Variants in MUC4 observed in about 807,000 individuals in gnomAD.
MUC4 encodes mucin 4, cell surface associated, also known as mucin-4.
In MUC4, 202 loss-of-function variants were observed where a neutral mutation model predicts 257.9. The observed-to-expected ratio is 0.78, with a 90% CI of 0.70 to 0.88. The LOEUF (loss-of-function observed/expected upper bound fraction) is 0.88, where lower values mean the gene tolerates loss of function less well. Among genes scored for constraint, MUC4 ranks in the 40% least tolerant of loss-of-function variants. The pLI, the probability that MUC4 is intolerant of heterozygous loss-of-function variation, is 0.00. For missense variants in MUC4, 5,976 were observed against 6,513.7 expected (o/e 0.92, Z 2.84); for synonymous variants, 2,351 against 2,757.1 (o/e 0.85, Z 4.62).
Position 195,780,122 on chromosome 3 carries a change from C to T in MUC4, c.11458G>A (p.Gly3820Ser), listed in dbSNP as rs1726715053. The T allele has an allele frequency of 6.8e-7, 1 of 1,470,126 alleles. No individual in the cohort carries two copies. The highest frequency in any genetic ancestry group is 1.5e-5 in the African/African-American group (1 of 66,564). The allele number at this position is 1,470,126 out of a possible 1,614,324, so 91.1% of individuals were successfully genotyped here. A position where few individuals can be genotyped will look rare whatever the true frequency, so the allele number is the denominator to read the frequency against. The change falls in exon 2 of 25, where the codon GGT (glycine) becomes AGT (serine). Residue 3820 changes from glycine (G) to serine (S), a missense_variant. By Grantham distance (56) the Gly-to-Ser change is moderately conservative. This residue lies in a region of MUC4 where 330 missense variants were observed against 262.0 expected (regional missense o/e 1.26). Transcript: ENST00000463781. ...GTGACAGGAAGAGGGGTGGTGTCAC[C>T]TGTGGATACTGAGGAAAGGCTGGTG... is the stretch of plus-strand genomic sequence containing the variant. ...PVTSLSSVSTGDTTPLPVTDA... is the reference protein window; with the variant it reads ...PVTSLSSVSTSDTTPLPVTDA...
At chr3:195,775,261 C>T (rs534757461) in intron 3 of MUC4, among the ~76,000 whole-genome samples, 3 of 152,170 alleles carry the variant, frequency 2.0e-5, no homozygotes, top group East Asian at 1.9e-4. Context: ...CTACAGGATT[C>T]CCCGCATGCC....
chr3:195,761,119 T>G lies in MUC4; in HGVS notation c.14615-2A>C. The G allele has an allele frequency of 6.2e-7, 1 of 1,613,722 alleles. No homozygotes were observed. The highest frequency in any genetic ancestry group is 8.5e-7 in the Non-Finnish European group (1 of 1,179,618). On this transcript the variant is annotated splice_acceptor_variant, in intron 15 of 24. Transcript: ENST00000463781. LOFTEE classifies it high-confidence loss of function. ...GGAGGCCTGTCCCGTTGATCTGCCCTGTAACACACAGAGCGCGGTGGTACC... is the reference window on the plus strand; with the variant it reads ...GGAGGCCTGTCCCGTTGATCTGCCCGGTAACACACAGAGCGCGGTGGTACC...
Position 195,789,254 on chromosome 3 carries a change from C to T in MUC4, c.2326G>A (p.Ala776Thr). ...TGTCCAGAGGCCTCTGTGCTCTCAG[C>T]CTGGTGGGTATGGGTCATGGCTGCT... ...TAAAMTHTHQAESTEASGQTQ... is the reference protein window; with the variant it reads ...TAAAMTHTHQTESTEASGQTQ... The change falls in exon 2 of 25, where the codon GCT (alanine) becomes ACT (threonine). Residue 776 changes from alanine to threonine, a missense_variant. By Grantham distance (58) the Ala-to-Thr change is moderately conservative. Around this residue, in one of 44 missense-constraint regions of MUC4, gnomAD observed 1,583 missense variants for 1,257.4 expected, o/e 1.26. Transcript: ENST00000463781. The T allele has an allele frequency of 1.9e-6, 3 of 1,613,840 alleles. No individual in the cohort carries two copies. Among genetic ancestry groups the T allele is most frequent in the Non-Finnish European group, 1.7e-6 (2 of 1,179,846 alleles).
At chr3:195,801,915 C>A (rs1272668315) in intron 1 of MUC4, among the ~76,000 whole-genome samples, 2 of 151,994 alleles carry the variant, frequency 1.3e-5, no homozygotes, top group East Asian at 1.9e-4. Context: ...GCTCCCGGGC[C>A]CTCCACTCCA....
intron 1 of MUC4, 46 bp downstream of exon 1, chr3:195,811,690 C>A: frequency 6.3e-7 from 1 of 1,586,538 alleles, no homozygotes; most frequent in Non-Finnish European, 8.6e-7. Context: ...CCACCTCCCC[C>A]AAGTGCTCCC....
At position 195,767,498 on chromosome 3, in the gene MUC4, T is replaced by TCGC. The variant is rs1560260870; in HGVS notation, c.13530-748_13530-747insGCG. 3.3e-4 allele frequency among the ~76,000 whole-genome samples: 21 copies of TCGC among 63,544 alleles called. No homozygotes were observed. The East Asian group carries it at 0.012, about 38-fold the overall frequency. The allele number at this position is 63,544 out of a possible 152,430, so 41.7% of individuals were successfully genotyped here. The stretch of plus-strand genomic sequence containing the variant: ...ATCACCATCACCACCACCATCACCA[T>TCGC]CACCACCACCATCACCATCACCACC... On this transcript the variant is annotated intron_variant, in intron 7 of 24. Transcript: ENST00000463781.
rs867298578 is a variant in MUC4 at position 195,749,313 on chromosome 3, G to T, written c.15872-249C>A. Among the ~76,000 whole-genome samples the T allele has an allele frequency of 5.5e-3, 315 of 57,690 alleles. 1 individual carries two copies. The highest frequency in any genetic ancestry group is 0.02 in the African/African-American group (293 of 14,766). 37.8% of individuals were successfully genotyped at this position (57,690 alleles called of 152,430 possible). ...TGCTTCCTATGGAAAAAGTTTCCTA[G>T]GGAAAAAGGTTCCTAGGGAAAAAGG... is the stretch of plus-strand genomic sequence containing the variant. On this transcript the variant is annotated intron_variant, in intron 23 of 24. Coordinates refer to ENST00000463781, the MANE Select transcript of MUC4 (RefSeq NM_018406.7).
rs1296159482 is a variant in MUC4 at position 195,810,356 on chromosome 3, CT to C, written c.82+1379del. On this transcript the variant is annotated intron_variant, in intron 1 of 24. Transcript: ENST00000463781. The surrounding 1 kb of genome is among the most constrained non-coding windows in gnomAD (Gnocchi z 4.2). Reference sequence around the variant, plus strand: ...CTGAGAGGCAGGGCAGGAGCTGAGACTCTAACCCCAGCTTGAACTCTGGACC... The same window carrying C: ...CTGAGAGGCAGGGCAGGAGCTGAGACCTAACCCCAGCTTGAACTCTGGACC... 1.3e-5 allele frequency: 2 copies of C among 152,508 alleles called. No individual in the cohort carries two copies. Among genetic ancestry groups the C allele is most frequent in the South Asian group, 2.1e-4 (1 of 4,832 alleles). The allele number at this position is 152,508 out of a possible 1,614,324, so 9.4% of individuals were successfully genotyped here.
In MUC4 at chr3:195,775,074, A is replaced by C. The variant is rs183115496; in HGVS notation, c.12944-769T>G. Among the ~76,000 whole-genome samples, 203 of 151,970 alleles carry C rather than the reference A, an allele frequency of 1.3e-3. 2 individuals are homozygous for C. Among genetic ancestry groups the C allele is most frequent in the Non-Finnish European group, 4.1e-4 (28 of 67,930 alleles). On this transcript the variant is annotated intron_variant, in intron 3 of 24. Transcript: ENST00000463781. ...AGGCCCTCGGGCTCCAGTTTGAGAAACCTTGTCCCAAATATTTCTCGCAGC... is the reference window on the plus strand; with the variant it reads ...AGGCCCTCGGGCTCCAGTTTGAGAACCCTTGTCCCAAATATTTCTCGCAGC...
chr3:195,759,548 T>G (rs1391372566), intron 16 of MUC4, among the ~76,000 whole-genome samples: 1 of 151,930 alleles, frequency 6.6e-6, no homozygotes. Flanking sequence ...TGACAAAAAG[T>G]GAATTAGAGA....
At position 195,751,147 on chromosome 3, in the gene MUC4, G is replaced by T. The variant is rs753399078; in HGVS notation, c.15648-35C>A. The T allele has an allele frequency of 8.6e-6, 13 of 1,503,720 alleles. No homozygotes were observed. The South Asian group carries it at 1.6e-4, about 18-fold the overall frequency. The allele number at this position is 1,503,720 out of a possible 1,614,324, so 93.1% of individuals were successfully genotyped here. A position where few individuals can be genotyped will look rare whatever the true frequency, so the allele number is the denominator to read the frequency against. On this transcript the variant is annotated intron_variant, in intron 22 of 24. Transcript: ENST00000463781. ...AGGGCAACGGTGAGGGGGGGTGGGGGGCTGGGGGTGGGGGATGAGGAAGAG... is the reference window on the plus strand; with the variant it reads ...AGGGCAACGGTGAGGGGGGGTGGGGTGCTGGGGGTGGGGGATGAGGAAGAG...
chr3:195,790,053 T>G lies in MUC4; in HGVS notation c.1527A>C (p.Ser509=). ...TGACAAGCCTAGTGGCAGCACCTGT[T>G]GATGTTGAGGGCAGTTCTGTTTGTG... is the stretch of plus-strand genomic sequence containing the variant. ...TWSQTELPST[S]TGAATRLVTG... is the part of the protein sequence containing the mutation. Residue 509 remains serine, a synonymous_variant, in exon 2 of 25, where the codon TCA becomes TCC. Transcript: ENST00000463781. 3 of 1,614,002 alleles carry G rather than the reference T, an allele frequency of 1.9e-6. No homozygotes were observed. Among genetic ancestry groups the G allele is most frequent in the Non-Finnish European group, 2.5e-6 (3 of 1,179,872 alleles).
rs111722563 is a variant in MUC4, at chr3:195,753,019, C to T, written c.15508+32G>A. On this transcript the variant is annotated intron_variant, in intron 20 of 24. Coordinates refer to ENST00000463781, the MANE Select transcript of MUC4 (RefSeq NM_018406.7). ...GAGAGGGTGGGGCCCAGGAAGAGTGCGGGGGTGAGAGGGCGGGGTCTCTGG... is the reference window on the plus strand; with the variant it reads ...GAGAGGGTGGGGCCCAGGAAGAGTGTGGGGGTGAGAGGGCGGGGTCTCTGG... The T allele has an allele frequency of 6.5e-3, 10,351 of 1,588,956 alleles. 547 individuals carry two copies. The African/African-American group carries it at 0.12, about 18-fold the overall frequency.
At position 195,779,971 on chromosome 3, in the gene MUC4, G is replaced by A. The variant is rs181544905; in HGVS notation, c.11609C>T (p.Ala3870Val). 2.2e-3 allele frequency: 3,227 copies of A among 1,445,536 alleles called. 55 individuals carry two copies. The highest frequency in any genetic ancestry group is 3.9e-3 in the South Asian group (312 of 79,108). The allele number at this position is 1,445,536 out of a possible 1,614,324, so 89.5% of individuals were successfully genotyped here. A position where few individuals can be genotyped will look rare whatever the true frequency, so the allele number is the denominator to read the frequency against. The change falls in exon 2 of 25, where the codon GCC (alanine) becomes GTC (valine). Residue 3870 changes from alanine (A) to valine (V), a missense_variant. Coordinates refer to ENST00000463781, the MANE Select transcript of MUC4 (RefSeq NM_018406.7). ...TSPSSASTGH[A>V]TPLPVTGLSS... is the part of the protein sequence containing the mutation. The stretch of plus-strand genomic sequence containing the variant: ...AAGGCCGGTAACAGGAAGAGGGGTG[G>A]CGTGACCTGTGGATGCTGAGGAAGG...
rs1560321977 is a variant in MUC4, at chr3:195,781,520, A to T, written c.10060T>A (p.Ser3354Thr). ...PVPVTDTSSVSTGHATPLPVT... is the reference protein window; with the variant it reads ...PVPVTDTSSVTTGHATPLPVT... Reference sequence around the variant, plus strand: ...GGAAGAGGGGTGGCGTGACCTGTGGATACTGAGGAAGTGTCGGTGACAGGC... The same window carrying T: ...GGAAGAGGGGTGGCGTGACCTGTGGTTACTGAGGAAGTGTCGGTGACAGGC... Residue 3354 changes from serine to threonine, a missense_variant, in exon 2 of 25, where the codon TCC becomes ACC. By Grantham distance (58) the Ser-to-Thr change is moderately conservative (BLOSUM62 1). Coordinates refer to ENST00000463781, the MANE Select transcript of MUC4 (RefSeq NM_018406.7). 4.0e-6 allele frequency: 6 copies of T among 1,508,090 alleles called. No individual in the cohort carries two copies. Among genetic ancestry groups the T allele is most frequent in the Admixed American group, 4.1e-5 (2 of 49,200 alleles). The allele number at this position is 1,508,090 out of a possible 1,614,324, so 93.4% of individuals were successfully genotyped here. A position where few individuals can be genotyped will look rare whatever the true frequency, so the allele number is the denominator to read the frequency against.
chr3:195,760,349 G>A (rs1392675349), intron 16 of MUC4, among the ~76,000 whole-genome samples: 1 of 152,214 alleles, frequency 6.6e-6, no homozygotes, highest in Non-Finnish European at 1.5e-5. Flanking sequence ...TGGCTGTCCA[G>A]GGAAGGAAGG....
chr3:195,749,653 C>T (rs1715957755), intron 23 of MUC4, among the ~76,000 whole-genome samples: 4 of 152,214 alleles, frequency 2.6e-5, no homozygotes, highest in African/African-American at 9.6e-5. Context: ...TTCAAACATA[C>T]CATCATAATA....
chr3:195,747,054 C>T lies in MUC4; in HGVS notation c.*122G>A. ...GTCTTGATTCCCAGTATTCATTCTC[C>T]TTGAAGAATCCTGACAGCCTTCAGT... On this transcript the variant is annotated 3_prime_UTR_variant, in exon 25 of 25. Coordinates refer to ENST00000463781, the MANE Select transcript of MUC4 (RefSeq NM_018406.7). 1 of 1,336,870 alleles carries T rather than the reference C, an allele frequency of 7.5e-7. No individual in the cohort carries two copies. Among genetic ancestry groups the T allele is most frequent in the Non-Finnish European group, 1.1e-6 (1 of 949,312 alleles). The allele number at this position is 1,336,870 out of a possible 1,614,324, so 82.8% of individuals were successfully genotyped here.
In MUC4 at chr3:195,789,166, G is replaced by T; in HGVS notation, c.2414C>A (p.Pro805His). Residue 805 changes from proline (P) to histidine (H), a missense_variant, in exon 2 of 25, where the codon CCT becomes CAT. By Grantham distance (77) the Pro-to-His change is moderately conservative. This residue lies in a region of MUC4 where 1,583 missense variants were observed against 1,257.4 expected (regional missense o/e 1.26). Transcript: ENST00000463781. ...SRTTSAGTAT[P>H]SSSGASGTTP... ...TGTGCCACTCGCCCCGGATGAGGAA[G>T]GGGTAGCTGTGCCCGCTGAGGTGGT... is the stretch of plus-strand genomic sequence containing the variant. The T allele has an allele frequency of 6.2e-7, 1 of 1,613,882 alleles. No homozygotes were observed. The highest frequency in any genetic ancestry group is 8.5e-7 in the Non-Finnish European group (1 of 1,179,848).
Sources: gnomAD v4.1 joint callset for allele counts (sites outside exome capture counted in the v4.1 genomes callset) on GRCh38, gnomAD v4.1.1 for gene constraint, gnomAD v4.1.1 regional missense constraint, Gnocchi (gnomAD v3.1) non-coding constraint, MANE v1.5 for transcripts, NCBI Gene and HGNC (gene_info 2026-07-23, HGNC 2026-07-21) for gene names.